MCPH1: variants seen among roughly 807,000 people sequenced by gnomAD.
MCPH1 encodes the protein microcephalin.
A neutral mutation model predicts 84.5 loss-of-function variants in MCPH1; 104 were observed. The observed-to-expected ratio is 1.23, with a 90% CI of 1.05 to 1.45. The LOEUF is 1.45. MCPH1 is among the 40% of genes most tolerant of loss of function. MCPH1 has a pLI of 0.00. For synonymous variants in MCPH1, 514 were observed against 366.8 expected (o/e 1.40, Z -4.58); for missense variants, 1,498 against 1,005.7 (o/e 1.49, Z -6.62).
At chr8:6,504,534 G>A (rs1007360054) in intron 12 of MCPH1, among the ~76,000 whole-genome samples, 2 of 152,030 alleles carry the variant, frequency 1.3e-5, no homozygotes, top group Non-Finnish European at 2.9e-5. Flanking sequence ...TTATGTTCAA[G>A]TAACGCTTAT....
At chr8:6,520,076 G>T in intron 12 of MCPH1, 1 of 1,487,996 alleles carries the variant, frequency 6.7e-7, no homozygotes, top group Non-Finnish European at 9.1e-7. Context: ...CATTTGGTGA[G>T]TTTTATTACT....
intron 8 of MCPH1, chr8:6,446,472 T>C (rs1279264966): frequency 5.1e-6 from 5 of 985,134 alleles, no homozygotes; most frequent in Non-Finnish European, 6.0e-6. Context: ...CTCCCCAAAA[T>C]TGTTTCACAA....
chr8:6,471,587 T>C (rs1807719711), intron 9 of MCPH1, among the ~76,000 whole-genome samples: 1 of 152,176 alleles, frequency 6.6e-6, no homozygotes, highest in Non-Finnish European at 1.5e-5. Context: ...GCAACAATAC[T>C]GTAAACAAAA....
In MCPH1 at chr8:6,477,624, C is replaced by T; in HGVS notation, c.1966C>T (p.Pro656Ser). The change falls in exon 10 of 14, where the codon CCA becomes TCA. Residue 656 changes from proline to serine, a missense_variant. By Grantham distance (74) the Pro-to-Ser change is moderately conservative. Coordinates refer to ENST00000344683, the MANE Select transcript of MCPH1 (RefSeq NM_024596.5). Reference protein sequence around the residue: ...PTRTLVMTSMPSEKQNVVIQV... With the variant: ...PTRTLVMTSMSSEKQNVVIQV... Reference sequence around the variant, plus strand: ...AAGAACATTAGTCATGACAAGCATGCCATCTGAGTAAGTACTTGTTTTGAT... The same window carrying T: ...AAGAACATTAGTCATGACAAGCATGTCATCTGAGTAAGTACTTGTTTTGAT... 6.2e-7 allele frequency: 1 copy of T among 1,612,146 alleles called. No homozygotes were observed. Among genetic ancestry groups the T allele is most frequent in the South Asian group, 1.1e-5 (1 of 91,024 alleles).
intron 12 of MCPH1, chr8:6,513,903 A>T (rs1815705203): frequency 6.8e-7 from 1 of 1,473,740 alleles, no homozygotes; most frequent in South Asian, 1.3e-5. Context: ...GTATATTTGA[A>T]GTGGATAGTC....
At position 6,425,534 on chromosome 8, in the gene MCPH1, T is replaced by A. The variant is rs897996397; in HGVS notation, c.234-5965T>A. Among the ~76,000 whole-genome samples, 60 of 152,294 alleles carry A rather than the reference T, an allele frequency of 3.9e-4. 1 individual carries two copies. Among genetic ancestry groups the A allele is most frequent in the African/African-American group, 1.4e-3 (60 of 41,558 alleles). ...GTGATGATAGTTACACCCAGGTAGA[T>A]GAAATTCAGGGAGAGCATCTCTGTG... On this transcript the variant is annotated intron_variant, in intron 3 of 13. Transcript: ENST00000344683.
At chr8:6,422,368 T>C (rs761475486) in intron 3 of MCPH1, among the ~76,000 whole-genome samples, 9 of 152,202 alleles carry the variant, frequency 5.9e-5, no homozygotes, top group Non-Finnish European at 1.3e-4. Context: ...AAAAGTCGTA[T>C]AGAAATGTGG....
chr8:6,640,587 G>A (rs1038092102), intron 13 of MCPH1, among the ~76,000 whole-genome samples: 2 of 152,112 alleles, frequency 1.3e-5, no homozygotes, highest in African/African-American at 4.8e-5. Context: ...TACATAATAT[G>A]GACATTAAAC....
Position 6,562,754 on chromosome 8 carries a change from C to T in MCPH1, c.2215-58700C>T. 2 of 1,613,712 alleles carry T rather than the reference C, an allele frequency of 1.2e-6. No homozygotes were observed. Among genetic ancestry groups the T allele is most frequent in the Non-Finnish European group, 1.7e-6 (2 of 1,179,968 alleles). On this transcript the variant is annotated intron_variant, in intron 12 of 13. Transcript: ENST00000344683. The stretch of plus-strand genomic sequence containing the variant: ...GCGTCCCTCTGCACAGCATTGGACA[C>T]GTAGGGGCTGGAGGAAGAGCGGCAG...
chr8:6,410,986 A>G (rs1036750289), intron 2 of MCPH1, among the ~76,000 whole-genome samples: 1 of 152,144 alleles, frequency 6.6e-6, no homozygotes, highest in Non-Finnish European at 1.5e-5. Context: ...GTGATTCGGG[A>G]GGCTGAGGCA....
At chr8:6,612,945 C>G (rs941215534) in intron 12 of MCPH1, among the ~76,000 whole-genome samples, 2 of 152,228 alleles carry the variant, frequency 1.3e-5, no homozygotes, top group African/African-American at 4.8e-5. Context: ...GGAGAAATAA[C>G]AGCATTTGTG....
chr8:6,623,594 G>A (rs1247965237), intron 13 of MCPH1, among the ~76,000 whole-genome samples: 1 of 147,154 alleles, frequency 6.8e-6, no homozygotes, highest in Non-Finnish European at 1.5e-5. Context: ...CATGACTGAT[G>A]GTCATCCTTT....
intron 3 of MCPH1, among the ~76,000 whole-genome samples, chr8:6,423,470 A>T (rs1211049282): frequency 6.6e-6 from 1 of 152,204 alleles, no homozygotes; most frequent in South Asian, 2.1e-4. Flanking sequence ...CGGCCCATAC[A>T]CTTTAGTCAA....
At chr8:6,543,573 A>G (rs1821995515) in intron 12 of MCPH1, among the ~76,000 whole-genome samples, 1 of 152,208 alleles carries the variant, frequency 6.6e-6, no homozygotes, top group African/African-American at 2.4e-5. Context: ...GTATAAGGCC[A>G]GGGGATTTTC....
At chr8:6,496,688 G>A (rs1211741286) in intron 11 of MCPH1, among the ~76,000 whole-genome samples, 2 of 152,158 alleles carry the variant, frequency 1.3e-5, no homozygotes, top group African/African-American at 2.4e-5. Flanking sequence ...GTAGTGTTAT[G>A]ACTAACAGTA....
At chr8:6,523,238 C>G (rs1332573254) in intron 12 of MCPH1, among the ~76,000 whole-genome samples, 3 of 152,100 alleles carry the variant, frequency 2.0e-5, no homozygotes, top group Admixed American at 2.0e-4. Flanking sequence ...ACCTCGTGAT[C>G]CGCCCGCCCC....
At chr8:6,642,766 A>C in intron 13 of MCPH1, 2 of 586,030 alleles carry the variant, frequency 3.4e-6, no homozygotes, top group Non-Finnish European at 6.2e-6. Flanking sequence ...GCTACCAAGC[A>C]CTTGAACTGG....
At chr8:6,488,886 G>C (rs151022330) in intron 11 of MCPH1, among the ~76,000 whole-genome samples, 65 of 152,196 alleles carry the variant, frequency 4.3e-4, no homozygotes, top group African/African-American at 1.5e-3. Flanking sequence ...GTGTCTAGAG[G>C]GGGGGTTGAT....
intron 13 of MCPH1, chr8:6,626,474 GTTTTTT>G (rs71213328): frequency 1.5e-6 from 1 of 648,104 alleles, no homozygotes; most frequent in East Asian, 1.5e-4. Context: ...TTTTTGTTTT[GTTTTTT>G]TTTTTTTTTT....
Sources: allele counts gnomAD v4.1 joint callset (sites outside exome capture counted in the v4.1 genomes callset), GRCh38; gene constraint gnomAD v4.1.1; transcripts MANE v1.5; gene names NCBI Gene and HGNC (gene_info 2026-07-23, HGNC 2026-07-21).